ZNF541: variants seen among roughly 807,000 people sequenced by gnomAD.
ZNF541 encodes zinc finger protein 541.
Under a neutral mutation model 123.5 loss-of-function variants are expected in ZNF541, and 23 were observed. The observed-to-expected ratio is 0.19, with a 90% CI of 0.13 to 0.26. The LOEUF (loss-of-function observed/expected upper bound fraction) is 0.26, where lower values mean the gene tolerates loss of function less well. ZNF541 is among the 10% of genes least tolerant of loss of function. ZNF541 has a pLI of 1.00. For missense variants in ZNF541, 1,612 were observed against 1,789.9 expected, an observed-to-expected ratio of 0.90 and a Z score of 1.79; for synonymous variants, 751 against 754.5, an observed-to-expected ratio of 1.00 and a Z score of 0.08.
intron 2 of ZNF541, among the ~76,000 whole-genome samples, chr19:47,569,881 AAAAG>A: frequency 6.6e-6 from 1 of 151,858 alleles, no homozygotes; most frequent in East Asian, 1.9e-4. Context: ...CTGTCTCAAG[AAAAG>A]AAAGGAGAAA....
At chr19:47,569,772 G>A (rs965631973) in intron 2 of ZNF541, among the ~76,000 whole-genome samples, 9 of 151,902 alleles carry the variant, frequency 5.9e-5, no homozygotes, top group Admixed American at 1.3e-4. Flanking sequence ...CCAGCTACTC[G>A]GGAGACTGAA....
At chr19:47,569,666 C>G (rs1003802779) in intron 2 of ZNF541, among the ~76,000 whole-genome samples, 1 of 151,914 alleles carries the variant, frequency 6.6e-6, no homozygotes, top group Admixed American at 6.6e-5. Context: ...AGTTCAAGAC[C>G]AGCCCGGGCA....
chr19:47,557,853 G>GA (rs58815217), intron 2 of ZNF541, among the ~76,000 whole-genome samples: 1,448 of 139,784 alleles, frequency 0.01, 13 homozygotes, highest in African/African-American at 0.024. Flanking sequence ...AATCAATTGG[G>GA]AAAAAAAAAA....
chr19:47,532,737 A>G (rs1969633068), intron 10 of ZNF541, among the ~76,000 whole-genome samples, 172 bp downstream of exon 10: 1 of 152,146 alleles, frequency 6.6e-6, no homozygotes, highest in African/African-American at 2.4e-5. Flanking sequence ...TGTAGAAGGA[A>G]TAATATTGGG....
At chr19:47,558,655 G>A (rs55990848) in intron 2 of ZNF541, among the ~76,000 whole-genome samples, 1 of 150,278 alleles carries the variant, frequency 6.7e-6, no homozygotes, top group African/African-American at 2.4e-5. Context: ...GTACAGTGGC[G>A]CAATCTCAGC....
At chr19:47,537,563 CAAAAAAAAAA>C (rs369951057) in intron 9 of ZNF541, among the ~76,000 whole-genome samples, 14 of 56,524 alleles carry the variant, frequency 2.5e-4, no homozygotes, top group African/African-American at 7.8e-4. Context: ...TACTCTGTCT[CAAAAAAAAAA>C]AAAAAAAAAA....
intron 4 of ZNF541, among the ~76,000 whole-genome samples, chr19:47,546,430 A>G (rs1970362210): frequency 6.6e-6 from 1 of 152,036 alleles, no homozygotes; most frequent in South Asian, 2.1e-4. Context: ...AATCACTTGT[A>G]CCCAGGAGAT....
At chr19:47,550,512 A>G (rs1053406488) in intron 3 of ZNF541, among the ~76,000 whole-genome samples, 1 of 152,146 alleles carries the variant, frequency 6.6e-6, no homozygotes, top group African/African-American at 2.4e-5. Flanking sequence ...CTCTTTTTGT[A>G]TAGGTAAATT....
chr19:47,531,247 G>C (rs989138119), intron 12 of ZNF541, among the ~76,000 whole-genome samples: 8 of 102,476 alleles, frequency 7.8e-5, no homozygotes, highest in Admixed American at 4.3e-4. Flanking sequence ...GGGGGGGGGG[G>C]GGTCCTTGGA....
Position 47,568,738 on chromosome 19 carries a change from C to T in ZNF541, c.-99+3158G>A, listed in dbSNP as rs572736056. ...CTCAGGCTGGAGTGCAATGGCGTGG[C>T]CTTGGCTCATTGCAACCTCCGCCTC... On this transcript the variant is annotated intron_variant, in intron 2 of 16. Coordinates refer to ENST00000391901, the MANE Select transcript of ZNF541 (RefSeq NM_001277075.3). 3.9e-5 allele frequency among the ~76,000 whole-genome samples: 6 copies of T among 152,178 alleles called. No individual in the cohort carries two copies. In the South Asian group the frequency reaches 1.2e-3, roughly 32 times the overall value.
intron 1 of ZNF541, among the ~76,000 whole-genome samples, 124 bp downstream of exon 1, chr19:47,572,959 A>T (rs1450643745): frequency 2.0e-5 from 3 of 150,394 alleles, no homozygotes; most frequent in Non-Finnish European, 4.4e-5. Flanking sequence ...GGGGCCCCCT[A>T]AAAAAAGAAA....
At chr19:47,540,773 C>T in intron 6 of ZNF541, 120 bp downstream of exon 6, 1 of 985,700 alleles carries the variant, frequency 1.0e-6, no homozygotes, top group Non-Finnish European at 1.5e-6. Flanking sequence ...AAAATGGAGG[C>T]TGTACCCTAA....
intron 8 of ZNF541, among the ~76,000 whole-genome samples, chr19:47,538,917 G>C (rs1035663555): frequency 1.3e-5 from 2 of 152,052 alleles, no homozygotes; most frequent in Admixed American, 6.6e-5. Context: ...CTGATCACTC[G>C]TAACTCACCA....
At chr19:47,572,793 G>A (rs942507022) in intron 1 of ZNF541, among the ~76,000 whole-genome samples, 1 of 151,186 alleles carries the variant, frequency 6.6e-6, no homozygotes, top group Non-Finnish European at 1.5e-5. Flanking sequence ...AGAAAAGGGG[G>A]TGCAGCGGGC....
chr19:47,565,027 A>C (rs553957857), intron 2 of ZNF541, among the ~76,000 whole-genome samples: 23 of 152,306 alleles, frequency 1.5e-4, no homozygotes, highest in Admixed American at 5.9e-4. Context: ...ACTGGAGACT[A>C]TTATTCTTCT....
At chr19:47,549,883 T>C (rs1057025291) in intron 3 of ZNF541, among the ~76,000 whole-genome samples, 1 of 152,202 alleles carries the variant, frequency 6.6e-6, no homozygotes, top group Admixed American at 6.5e-5. Flanking sequence ...AGGAAATAAA[T>C]GTAGCTTTGT....
intron 9 of ZNF541, among the ~76,000 whole-genome samples, chr19:47,537,940 G>A (rs1969898325): frequency 2.6e-5 from 4 of 152,118 alleles, no homozygotes; most frequent in South Asian, 4.2e-4. Flanking sequence ...TGGCCTCTAC[G>A]TTTTCTTTCG....
At chr19:47,527,924 C>A (rs1466293107) in intron 14 of ZNF541, among the ~76,000 whole-genome samples, 1 of 150,470 alleles carries the variant, frequency 6.6e-6, no homozygotes, top group Non-Finnish European at 1.5e-5. Flanking sequence ...GTCTCGAACT[C>A]CCAACCTCAG....
chr19:47,544,345 G>A lies in ZNF541; in HGVS notation c.2184C>T (p.Ile728=), dbSNP rs572224958. ...APAENGAASR[I]TKGEKGPACS... ...AGGCTGGGCCCTTTTCACCTTTTGTGATCCTTGAAGCCGCGCCATTCTCGG... is the reference window on the plus strand; with the variant it reads ...AGGCTGGGCCCTTTTCACCTTTTGTAATCCTTGAAGCCGCGCCATTCTCGG... The change falls in exon 5 of 17, where the codon ATC becomes ATT. Residue 728 remains isoleucine (I), a synonymous_variant. Transcript: ENST00000391901. The A allele has an allele frequency of 6.3e-5, 97 of 1,551,662 alleles. No individual in the cohort carries two copies. In the African/African-American group the frequency reaches 1.2e-3, roughly 20 times the overall value.
Sources: allele counts gnomAD v4.1 joint callset (sites outside exome capture counted in the v4.1 genomes callset), GRCh38; gene constraint gnomAD v4.1.1; transcripts MANE v1.5; gene names NCBI Gene and HGNC (gene_info 2026-07-23, HGNC 2026-07-21).